BDP1: variants seen among roughly 807,000 people sequenced by gnomAD.
BDP1 encodes BDP1 general transcription factor IIIB subunit.
In BDP1, 169 loss-of-function variants were observed where a neutral mutation model predicts 266.6. The ratio of observed to expected loss-of-function variants is 0.63; its 90% CI spans 0.56 to 0.72. The LOEUF is 0.72. Among genes scored for constraint, BDP1 ranks in the 30% least tolerant of loss-of-function variants. The pLI, the probability that BDP1 is intolerant of heterozygous loss-of-function variation, is 0.00. For missense variants in BDP1, 3,015 were observed against 3,053.8 expected, an observed-to-expected ratio of 0.99 and a Z score of 0.30; for synonymous variants, 1,090 against 1,022.4, an observed-to-expected ratio of 1.07 and a Z score of -1.26.
intron 32 of BDP1, among the ~76,000 whole-genome samples, chr5:71,547,211 G>T (rs1202139640): frequency 6.7e-6 from 1 of 149,886 alleles, no homozygotes; most frequent in Non-Finnish European, 1.5e-5. Context: ...CATTGCATTT[G>T]ATTATCCTTT....
intron 15 of BDP1, among the ~76,000 whole-genome samples, chr5:71,504,373 G>A (rs188626317): frequency 5.5e-4 from 83 of 152,174 alleles, no homozygotes; most frequent in Non-Finnish European, 9.4e-4. Flanking sequence ...ATTTCTAACA[G>A]ATGAAACCAA....
intron 15 of BDP1, among the ~76,000 whole-genome samples, chr5:71,504,124 T>A (rs1035660634): frequency 5.9e-5 from 9 of 151,530 alleles, no homozygotes; most frequent in African/African-American, 1.7e-4. Flanking sequence ...TACAAAAACG[T>A]TAGCTGGGTG....
chr5:71,539,478 C>A, intron 27 of BDP1, 79 bp from the exon 28 acceptor site: 3 of 1,110,632 alleles, frequency 2.7e-6, no homozygotes, highest in South Asian at 2.7e-5. Context: ...GAGATAAACA[C>A]CTTAATTAAA....
At chr5:71,463,628 C>T (rs1761707791) in intron 3 of BDP1, among the ~76,000 whole-genome samples, 1 of 151,812 alleles carries the variant, frequency 6.6e-6, no homozygotes. Flanking sequence ...TTGAGACCAG[C>T]CTGGGCGATA....
At chr5:71,549,959 A>G (rs1344676702) in intron 34 of BDP1, among the ~76,000 whole-genome samples, 2 of 152,238 alleles carry the variant, frequency 1.3e-5, no homozygotes, top group African/African-American at 2.4e-5. Context: ...AAGTTGTGAA[A>G]ATAGTACAGT....
chr5:71,487,400 C>T (rs1277412935), intron 9 of BDP1, among the ~76,000 whole-genome samples: 3 of 152,106 alleles, frequency 2.0e-5, no homozygotes, highest in African/African-American at 7.2e-5. Context: ...CGTCACCACA[C>T]CCGGCTAATT....
At chr5:71,549,745 G>C (rs1196882087) in intron 34 of BDP1, 139 bp downstream of exon 34, 14 of 655,472 alleles carry the variant, frequency 2.1e-5, no homozygotes, top group Non-Finnish European at 3.0e-5. Context: ...GTAAGTTAGA[G>C]AAGAAATGTA....
chr5:71,473,609 GTT>G (rs1762405569), intron 7 of BDP1, among the ~76,000 whole-genome samples: 1 of 151,960 alleles, frequency 6.6e-6, no homozygotes, highest in Non-Finnish European at 1.5e-5. Context: ...TTGTTGGTGT[GTT>G]TTTATTGATT....
At chr5:71,509,387 A>G (rs1764763219) in intron 16 of BDP1, 78 bp from the exon 17 acceptor site, 1 of 1,422,550 alleles carries the variant, frequency 7.0e-7, no homozygotes, top group Non-Finnish European at 9.3e-7. Context: ...GTGTTTCTGT[A>G]GTGATTTCTC....
chr5:71,545,810 G>A (rs1170080605), intron 32 of BDP1, among the ~76,000 whole-genome samples: 3 of 151,486 alleles, frequency 2.0e-5, no homozygotes, highest in Admixed American at 6.6e-5. Flanking sequence ...GGTGTGGACC[G>A]GTTGCAGTGG....
chr5:71,541,202 G>T lies in BDP1; in HGVS notation c.6023-252G>T, dbSNP rs538670777. 3.3e-5 allele frequency among the ~76,000 whole-genome samples: 5 copies of T among 152,084 alleles called. No individual in the cohort carries two copies. The East Asian group carries it at 9.6e-4, about 29-fold the overall frequency. On this transcript the variant is annotated intron_variant, in intron 28 of 38. Coordinates refer to ENST00000358731, the MANE Select transcript of BDP1 (RefSeq NM_018429.3). ...AAAGAACTCATTTTTACTAATAATC[G>T]GATAAAATTCCAGTCTGTAAGGATT...
the BDP1 span, among the ~76,000 whole-genome samples, chr5:71,577,009 TTA>T: frequency 1.3e-5 from 2 of 152,234 alleles, no homozygotes; most frequent in Non-Finnish European, 2.9e-5. Flanking sequence ...TTTTTAATCC[TTA>T]TGTGTTTTTG....
rs141281844 is a variant in BDP1 at position 71,524,156 on chromosome 5, C to T, written c.5605C>T (p.Arg1869Trp). 4.6e-5 allele frequency: 74 copies of T among 1,614,148 alleles called. No individual in the cohort carries two copies. Among genetic ancestry groups the T allele is most frequent in the East Asian group, 1.8e-4 (8 of 44,884 alleles). Residue 1869 changes from arginine (R) to tryptophan (W), a missense_variant, in exon 25 of 39, where the codon CGG (arginine) becomes TGG (tryptophan). Physicochemically the swap from Arg to Trp is moderately radical, Grantham distance 101. Around this residue, in one of 3 missense-constraint regions of BDP1, gnomAD observed 2,383 missense variants for 2,404.9 expected, o/e 0.99. Coordinates refer to ENST00000358731, the MANE Select transcript of BDP1 (RefSeq NM_018429.3). ...RASKAMLVTL[R>W]ASQEEDDDAD... ...TTCCAAGGCCATGCTGGTGACTCTT[C>T]GGGCTTCCCAGGAAGAAGATGATGA...
At chr5:71,470,231 C>T (rs748186258) in intron 6 of BDP1, among the ~76,000 whole-genome samples, 164 bp from the exon 7 acceptor site, 3 of 152,064 alleles carry the variant, frequency 2.0e-5, no homozygotes, top group Admixed American at 6.6e-5. Flanking sequence ...GCCCAGCCTA[C>T]GATTTCTTAT....
At chr5:71,493,199 A>G (rs139100850) in intron 11 of BDP1, among the ~76,000 whole-genome samples, 20 of 152,358 alleles carry the variant, frequency 1.3e-4, no homozygotes, top group African/African-American at 4.8e-4. Context: ...GTGTGAGTTC[A>G]GAGATACACC....
At chr5:71,507,340 T>A (rs752172808) in intron 16 of BDP1, among the ~76,000 whole-genome samples, 4 of 152,232 alleles carry the variant, frequency 2.6e-5, no homozygotes, top group Non-Finnish European at 5.9e-5. Flanking sequence ...ATATCTGATA[T>A]CCAGTCTCAG....
intron 33 of BDP1, 31 bp from the exon 34 acceptor site, chr5:71,549,389 T>G: frequency 6.5e-7 from 1 of 1,548,592 alleles, no homozygotes; most frequent in Non-Finnish European, 8.8e-7. Context: ...ATAGTTGAGC[T>G]TTTTTATTAC....
At chr5:71,555,346 A>G (rs1247696402) in intron 35 of BDP1, among the ~76,000 whole-genome samples, 1 of 152,008 alleles carries the variant, frequency 6.6e-6, no homozygotes. Flanking sequence ...TTGTTTGGAT[A>G]TATTCCTAAA....
At chr5:71,481,437 C>T (rs995449580) in intron 7 of BDP1, among the ~76,000 whole-genome samples, 1 of 147,544 alleles carries the variant, frequency 6.8e-6, no homozygotes, top group African/African-American at 2.5e-5. Flanking sequence ...TGGCACACGT[C>T]CCCTAGCAAT....
Sources: gnomAD v4.1 joint callset for allele counts (sites outside exome capture counted in the v4.1 genomes callset) on GRCh38, gnomAD v4.1.1 for gene constraint, gnomAD v4.1.1 regional missense constraint, MANE v1.5 for transcripts, NCBI Gene and HGNC (gene_info 2026-07-23, HGNC 2026-07-21) for gene names.